Variants in COXFA4 observed in about 807,000 individuals in gnomAD.
The protein encoded by COXFA4 is cytochrome c oxidase subunit FA4.
chr7:10,938,433 T>A, the COXFA4 span: 1 of 459,134 alleles, frequency 2.2e-6, no homozygotes, highest in Non-Finnish European at 3.9e-6. Context: ...GTGCATAGAA[T>A]AATGATGAAT....
the COXFA4 span, chr7:10,938,382 C>G: frequency 1.9e-6 from 1 of 517,692 alleles, no homozygotes; most frequent in Non-Finnish European, 3.4e-6. Context: ...CTGGCTTTCA[C>G]AAAACCTTTC....
chr7:10,938,935 C>G, the COXFA4 span: 1 of 1,478,630 alleles, frequency 6.8e-7, no homozygotes, highest in Non-Finnish European at 9.5e-7. Context: ...TCTTCAAATA[C>G]TTAAAACACT....
the COXFA4 span, chr7:10,939,903 G>T: frequency 8.3e-7 from 1 of 1,206,942 alleles, no homozygotes; most frequent in Non-Finnish European, 1.2e-6. Context: ...GCAGGGTCTG[G>T]TCTGACGGAC....
chr7:10,935,657 A>G, the COXFA4 span, among the ~76,000 whole-genome samples: 2 of 152,132 alleles, frequency 1.3e-5, no homozygotes, highest in Non-Finnish European at 2.9e-5. Flanking sequence ...CTCTCCTTCC[A>G]TATTGTGAGG....
chr7:10,937,878 T>G, the COXFA4 span: 1 of 574,078 alleles, frequency 1.7e-6, no homozygotes, highest in Non-Finnish European at 3.1e-6. Context: ...TATACTATTT[T>G]TCCTTCTTTT....
chr7:10,939,109 G>A, the COXFA4 span: 1 of 489,222 alleles, frequency 2.0e-6, no homozygotes, highest in Non-Finnish European at 3.7e-6. Flanking sequence ...AGGATGTTAA[G>A]ATGACTCTGG....
At chr7:10,939,914 G>T in the COXFA4 span, 2 of 1,324,420 alleles carry the variant, frequency 1.5e-6, no homozygotes, top group Non-Finnish European at 1.1e-6. Context: ...TCTGACGGAC[G>T]GTAAGTGGCT....
the COXFA4 span, among the ~76,000 whole-genome samples, chr7:10,936,670 C>A: frequency 2.0e-5 from 3 of 152,090 alleles, no homozygotes; most frequent in Admixed American, 1.3e-4. Context: ...AGGAGATTTA[C>A]TGAAGGATTT....
chr7:10,938,122 A>C, the COXFA4 span: 1 of 1,613,340 alleles, frequency 6.2e-7, no homozygotes. Flanking sequence ...AGTTTGTTCC[A>C]GGGCTCTGGG....
At chr7:10,939,480 G>A in the COXFA4 span, 6 of 178,394 alleles carry the variant, frequency 3.4e-5, no homozygotes, top group Non-Finnish European at 7.3e-5. Flanking sequence ...GATGTGCTGA[G>A]GAAAAATGAG....
the COXFA4 span, chr7:10,932,566 A>G: frequency 3.9e-5 from 6 of 152,260 alleles, no homozygotes; most frequent in Admixed American, 1.3e-4. Flanking sequence ...TCCAAAATTA[A>G]TGTCACTGAA....
chr7:10,935,150 C>T, the COXFA4 span, among the ~76,000 whole-genome samples: 436 of 152,330 alleles, frequency 2.9e-3, 3 homozygotes, highest in African/African-American at 0.01. Context: ...CCTACACCCA[C>T]GCAGAGTCAA....
At chr7:10,938,888 G>C in the COXFA4 span, 5 of 1,612,386 alleles carry the variant, frequency 3.1e-6, no homozygotes, top group African/African-American at 1.3e-5. Flanking sequence ...ATACAAAGAG[G>C]GGGATCAACT....
the COXFA4 span, among the ~76,000 whole-genome samples, chr7:10,937,523 T>C: frequency 6.6e-6 from 1 of 152,190 alleles, no homozygotes; most frequent in African/African-American, 2.4e-5. Context: ...TCTCAAGTGA[T>C]CTGCCCGCCT....
At chr7:10,938,508 A>G in the COXFA4 span, 13 of 421,478 alleles carry the variant, frequency 3.1e-5, no homozygotes, top group African/African-American at 2.2e-4. Flanking sequence ...AAACATTTAC[A>G]TGTGCCGAGA....
At chr7:10,937,510 T>G in the COXFA4 span, among the ~76,000 whole-genome samples, 1 of 152,172 alleles carries the variant, frequency 6.6e-6, no homozygotes. Flanking sequence ...TTCCAGCTCC[T>G]GATCTCAAGT....
At chr7:10,937,889 C>T in the COXFA4 span, 3 of 583,596 alleles carry the variant, frequency 5.1e-6, no homozygotes, top group African/African-American at 3.7e-5. Context: ...TCCTTCTTTT[C>T]TTATACTAGC....
At chr7:10,933,575 G>C in the COXFA4 span, 1 of 1,322,348 alleles carries the variant, frequency 7.6e-7, no homozygotes. Context: ...GTGGAAAATT[G>C]TGCGGATGTG....
At chr7:10,939,046 T>C in the COXFA4 span, 3 of 618,498 alleles carry the variant, frequency 4.9e-6, no homozygotes, top group Admixed American at 2.7e-5. Flanking sequence ...AGATCTTACA[T>C]TGAGGTAAGA....
Sources: allele counts gnomAD v4.1 joint callset (sites outside exome capture counted in the v4.1 genomes callset), GRCh38; gene constraint gnomAD v4.1.1; transcripts MANE v1.5; gene names NCBI Gene and HGNC (gene_info 2026-07-23, HGNC 2026-07-21).